Variants in TP53I11 observed in about 807,000 individuals in gnomAD.
TP53I11 encodes the protein tumor protein p53 inducible protein 11.
Under a neutral mutation model 23.3 loss-of-function variants are expected in TP53I11, and 9 were observed. That is an observed-to-expected ratio of 0.39 (90% confidence interval 0.23 to 0.67). The LOEUF (loss-of-function observed/expected upper bound fraction) is 0.67. Among genes scored for constraint, TP53I11 ranks in the 30% least tolerant of loss-of-function variants. The pLI, the probability that TP53I11 is intolerant of heterozygous loss-of-function variation, is 0.48. For synonymous variants in TP53I11, 100 were observed against 106.1 expected (o/e 0.94, Z 0.35); for missense variants, 170 against 255.2 (o/e 0.67, Z 2.27).
chr11:44,937,307 G>A lies in TP53I11; in HGVS notation c.234C>T (p.Ile78=). Residue 78 remains isoleucine, a synonymous_variant, in exon 4 of 7, where the codon ATC becomes ATT. Transcript: ENST00000525680. ...GGGGCTGGGGGTGGGGGCTCACCATGATGGCAATGCCGGAGAAGAGCACAG... is the reference window on the plus strand; with the variant it reads ...GGGGCTGGGGGTGGGGGCTCACCATAATGGCAATGCCGGAGAAGAGCACAG... ...VSAVLFSGIA[I]MALAFPDQLY... 1 of 1,508,052 alleles carries A rather than the reference G, an allele frequency of 6.6e-7. No homozygotes were observed. Among genetic ancestry groups the A allele is most frequent in the East Asian group, 2.4e-5 (1 of 41,112 alleles). 93.4% of individuals were successfully genotyped at this position (1,508,052 alleles called of 1,614,324 possible). A position where few individuals can be genotyped will look rare whatever the true frequency, so the allele number is the denominator to read the frequency against.
chr11:44,932,958 T>C lies in TP53I11; in HGVS notation c.*1926A>G, dbSNP rs906439878. 3 of 152,240 alleles carry C rather than the reference T, an allele frequency of 2.0e-5. No individual in the cohort carries two copies. Among genetic ancestry groups the C allele is most frequent in the Admixed American group, 6.5e-5 (1 of 15,284 alleles). 9.4% of individuals were successfully genotyped at this position (152,240 alleles called of 1,614,324 possible). A position where few individuals can be genotyped will look rare whatever the true frequency, so the allele number is the denominator to read the frequency against. ...AAACCAACCATCACTATTAGAGGAT[T>C]AGGCCTGGCTCAGATGGGGGATTGA... On this transcript the variant is annotated 3_prime_UTR_variant, in exon 7 of 7. Transcript: ENST00000525680.
At chr11:44,942,960 T>C (rs935276036) in intron 1 of TP53I11, among the ~76,000 whole-genome samples, 3 of 152,154 alleles carry the variant, frequency 2.0e-5, no homozygotes, top group Admixed American at 2.0e-4. Flanking sequence ...ACTCCAGGTG[T>C]TTATTTCAGG....
chr11:44,937,330 C>A lies in TP53I11; in HGVS notation c.211G>T (p.Val71Leu), dbSNP rs370882373. 28 of 1,491,498 alleles carry A rather than the reference C, an allele frequency of 1.9e-5. No homozygotes were observed. Among genetic ancestry groups the A allele is most frequent in the Non-Finnish European group, 2.4e-5 (27 of 1,120,308 alleles). 92.4% of individuals were successfully genotyped at this position (1,491,498 alleles called of 1,614,324 possible). The change falls in exon 4 of 7, where the codon GTG becomes TTG. Residue 71 changes from valine (V) to leucine (L), a missense_variant. Val to Leu is a conservative substitution (Grantham distance 32). Coordinates refer to ENST00000525680, the MANE Select transcript of TP53I11 (RefSeq NM_006034.5). ...ATGATGGCAATGCCGGAGAAGAGCA[C>A]AGCAGAGACGAACTGCCAGACCCTG... The part of the protein sequence containing the change: ...GLRVWQFVSA[V>L]LFSGIAIMAL...
intron 1 of TP53I11, among the ~76,000 whole-genome samples, chr11:44,945,628 C>A (rs967351469): frequency 6.6e-6 from 1 of 151,984 alleles, no homozygotes; most frequent in Non-Finnish European, 1.5e-5. Context: ...TAAGGCCCTG[C>A]GACTCCAGCA....
chr11:44,947,241 C>G (rs532648808), intron 1 of TP53I11: 3 of 407,658 alleles, frequency 7.4e-6, no homozygotes, highest in East Asian at 1.4e-4. Context: ...GAATTCCTGT[C>G]CTTTTCGACT....
Position 44,936,439 on chromosome 11 carries a change from G to T in TP53I11, c.334+364C>A, listed in dbSNP as rs993627858. 2.5e-5 allele frequency: 31 copies of T among 1,232,764 alleles called. No individual in the cohort carries two copies. The highest frequency in any genetic ancestry group is 3.2e-5 in the East Asian group (1 of 31,708). 76.4% of individuals were successfully genotyped at this position (1,232,764 alleles called of 1,614,324 possible). On this transcript the variant is annotated intron_variant, in intron 5 of 6. Transcript: ENST00000525680. This position sits in a 1 kb window ranked among gnomAD's most constrained non-coding sequence, Gnocchi z 4.4. ...TGGCTCTGGGGATAAAATAGGGGGG[G>T]TGCGAGGGGTTTTGCAGACACTGAA...
intron 6 of TP53I11, 142 bp downstream of exon 6, chr11:44,935,419 G>T: frequency 1.4e-6 from 1 of 724,688 alleles, no homozygotes. Flanking sequence ...AACACAGCCA[G>T]GTGAGTCCTT....
chr11:44,945,192 C>G (rs1862266871), intron 1 of TP53I11, among the ~76,000 whole-genome samples: 1 of 152,178 alleles, frequency 6.6e-6, no homozygotes, highest in African/African-American at 2.4e-5. Context: ...TAGGGGCAGG[C>G]AGCACACCTG....
At chr11:44,942,244 C>T (rs920785541) in intron 1 of TP53I11, among the ~76,000 whole-genome samples, 1 of 125,262 alleles carries the variant, frequency 8.0e-6, no homozygotes, top group Non-Finnish European at 1.8e-5. Flanking sequence ...ACACACCACA[C>T]ACACCCACAC....
upstream of TP53I11, chr11:44,950,969 C>G (rs1862912528): frequency 6.6e-6 from 1 of 151,798 alleles, no homozygotes. Flanking sequence ...TGCCTCGCCC[C>G]CAGGGTGGCC....
chr11:44,935,554 G>C lies in TP53I11; in HGVS notation c.436+7C>G. 6.2e-7 allele frequency: 1 copy of C among 1,613,792 alleles called. No individual in the cohort carries two copies. The highest frequency in any genetic ancestry group is 8.5e-7 in the Non-Finnish European group (1 of 1,179,768). On this transcript the variant is annotated splice_region_variant and intron_variant, in intron 6 of 6. Transcript: ENST00000525680. The stretch of plus-strand genomic sequence containing the variant: ...CAGCCTCCCTCACTGCCCACCTCAG[G>C]ACTCACCCAAGAACTGGACCCCGAA...
chr11:44,935,683 G>A (rs764738189), intron 5 of TP53I11, 21 bp from the exon 6 acceptor site: 1 of 1,427,282 alleles, frequency 7.0e-7, no homozygotes, highest in East Asian at 2.3e-5. Flanking sequence ...GGATGAAAAG[G>A]GGGCTGGGGG....
At chr11:44,947,736 A>G (rs1862529432) in intron 1 of TP53I11, among the ~76,000 whole-genome samples, 2 of 152,142 alleles carry the variant, frequency 1.3e-5, no homozygotes, top group South Asian at 4.1e-4. Flanking sequence ...TCTACCACTG[A>G]TGAGCTGTAT....
chr11:44,943,489 G>A (rs1203137563), intron 1 of TP53I11, among the ~76,000 whole-genome samples: 2 of 152,186 alleles, frequency 1.3e-5, no homozygotes, highest in Admixed American at 1.3e-4. Flanking sequence ...TTTCCCTTCT[G>A]CCCTGCCAGC....
Position 44,941,812 on chromosome 11 carries a change from C to G in TP53I11, c.-31-3446G>C, listed in dbSNP as rs77582540. 7.9e-3 allele frequency among the ~76,000 whole-genome samples: 1,207 copies of G among 152,266 alleles called. 22 individuals carry two copies. Among genetic ancestry groups the G allele is most frequent in the African/African-American group, 0.028 (1,159 of 41,522 alleles). The stretch of plus-strand genomic sequence containing the variant: ...TGGGCAAAGCCCCAGATCTCAGTCC[C>G]CGGGCACAAGGCTGGCGCTCAGCCA... On this transcript the variant is annotated intron_variant, in intron 1 of 6. Coordinates refer to ENST00000525680, the MANE Select transcript of TP53I11 (RefSeq NM_006034.5).
intron 1 of TP53I11, among the ~76,000 whole-genome samples, chr11:44,942,066 T>TATGCACACAC (rs1565102938): frequency 8.7e-5 from 1 of 11,544 alleles, no homozygotes; most frequent in African/African-American, 3.8e-4. Context: ...ACCACACACA[T>TATGCACACAC]ACCACACACA....
Position 44,938,229 on chromosome 11 carries a change from T to TCATCCTCCCCGC in TP53I11, c.106_107insGCGGGGAGGATG (p.Asp35_Asp36insGlyGlyGluAsp). On this transcript the variant is annotated inframe_insertion, in exon 2 of 7. Coordinates refer to ENST00000525680, the MANE Select transcript of TP53I11 (RefSeq NM_006034.5). ...CACCTTGGAGCGATGCACCTCCCCG[T>TCATCCTCCCCGC]CGTCATCCTCCCCGCCCACGCCGAG... 2 of 1,613,186 alleles carry TCATCCTCCCCGC rather than the reference T, an allele frequency of 1.2e-6. No individual in the cohort carries two copies. The highest frequency in any genetic ancestry group is 8.5e-7 in the Non-Finnish European group (1 of 1,179,744).
At chr11:44,935,162 G>T in intron 6 of TP53I11, 145 bp from the exon 7 acceptor site, 1 of 1,164,128 alleles carries the variant, frequency 8.6e-7, no homozygotes, top group Non-Finnish European at 1.2e-6. Flanking sequence ...CACAGGACCT[G>T]CCCCCTGCCC....
intron 2 of TP53I11, 58 bp downstream of exon 2, chr11:44,938,149 A>T (rs920959916): frequency 8.2e-5 from 127 of 1,557,846 alleles, no homozygotes; most frequent in Non-Finnish European, 1.0e-4. Flanking sequence ...TTCTCCCCTA[A>T]TGGTGGGTCA....
Sources: gnomAD v4.1 joint callset for allele counts (sites outside exome capture counted in the v4.1 genomes callset) on GRCh38, gnomAD v4.1.1 for gene constraint, Gnocchi (gnomAD v3.1) non-coding constraint, MANE v1.5 for transcripts, NCBI Gene and HGNC (gene_info 2026-07-23, HGNC 2026-07-21) for gene names.